The following GIGYF2 variants were observed in gnomAD, a reference collection of about 807,000 sequenced individuals.
The protein encoded by GIGYF2 is GRB10 interacting GYF protein 2, also known as GRB10-interacting GYF protein 2.
Under a neutral mutation model 208.1 loss-of-function variants are expected in GIGYF2, and 25 were observed. The ratio of observed to expected loss-of-function variants is 0.12; its 90% CI spans 0.09 to 0.17. The LOEUF (loss-of-function observed/expected upper bound fraction) is 0.17, where lower values mean the gene tolerates loss of function less well. Ranked by LOEUF, GIGYF2 falls within the 10% of genes least tolerant of loss-of-function variation. The pLI, the probability that GIGYF2 is intolerant of heterozygous loss-of-function variation, is 1.00. For missense variants in GIGYF2, 1,302 were observed against 1,579.4 expected, an observed-to-expected ratio of 0.82 and a Z score of 2.98; for synonymous variants, 534 against 543.8, an observed-to-expected ratio of 0.98 and a Z score of 0.25.
At chr2:232,707,564 G>A (rs139390155) in intron 2 of GIGYF2, among the ~76,000 whole-genome samples, 2 of 151,920 alleles carry the variant, frequency 1.3e-5, no homozygotes, top group Non-Finnish European at 2.9e-5. Context: ...CAAGATCAGT[G>A]AATCAGAGAG....
intron 3 of GIGYF2, among the ~76,000 whole-genome samples, 174 bp from the exon 4 acceptor site, chr2:232,747,441 C>CT (rs2106311713): frequency 6.6e-6 from 1 of 152,292 alleles, no homozygotes; most frequent in Admixed American, 6.5e-5. Flanking sequence ...ATAAACTGCC[C>CT]TTTTAGCGTG....
At chr2:232,815,915 A>C (rs1359634372) in intron 19 of GIGYF2, 178 bp downstream of exon 19, 6 of 589,134 alleles carry the variant, frequency 1.0e-5, no homozygotes, top group South Asian at 1.9e-5. Context: ...AAAAAAAAAA[A>C]CTCAAAACAG....
Position 232,806,646 on chromosome 2 carries a change from C to A in GIGYF2, c.1795C>A (p.Pro599Thr). ...RVPFSPGPAP[P>T]PHMGELDQER... Reference sequence around the variant, plus strand: ...TCCCTTTTCTCCAGGTCCAGCTCCCCCTCCTCATATGGTAAGTACCTTTCA... The same window carrying A: ...TCCCTTTTCTCCAGGTCCAGCTCCCACTCCTCATATGGTAAGTACCTTTCA... The change falls in exon 15 of 29, where the codon CCT (proline) becomes ACT (threonine). Residue 599 changes from proline to threonine, a missense_variant. Coordinates refer to ENST00000373563, the MANE Select transcript of GIGYF2 (RefSeq NM_001103146.3). This position sits in a 1 kb window ranked among gnomAD's most constrained non-coding sequence, Gnocchi z 4.0. The A allele has an allele frequency of 6.2e-7, 1 of 1,610,074 alleles. No homozygotes were observed. Among genetic ancestry groups the A allele is most frequent in the East Asian group, 2.2e-5 (1 of 44,858 alleles).
intron 9 of GIGYF2, among the ~76,000 whole-genome samples, chr2:232,790,230 ACAGGGAG>A (rs1700030922): frequency 6.6e-6 from 1 of 151,786 alleles, no homozygotes; most frequent in Non-Finnish European, 1.5e-5. Flanking sequence ...ATAAGTCAAC[ACAGGGAG>A]CTGATTTTAT....
At chr2:232,855,576 T>C (rs1690534386) in intron 28 of GIGYF2, among the ~76,000 whole-genome samples, 2 of 152,288 alleles carry the variant, frequency 1.3e-5, no homozygotes, top group Admixed American at 6.5e-5. Context: ...ATGCGAGGAC[T>C]CTAAGGATCT....
intron 8 of GIGYF2, among the ~76,000 whole-genome samples, chr2:232,769,151 T>A (rs1699110347): frequency 6.6e-6 from 1 of 152,166 alleles, no homozygotes; most frequent in Non-Finnish European, 1.5e-5. Context: ...AGAAAATAAA[T>A]GCAACTTGGC....
intron 28 of GIGYF2, among the ~76,000 whole-genome samples, chr2:232,853,598 C>G (rs1690441867): frequency 1.3e-5 from 2 of 152,150 alleles, no homozygotes; most frequent in African/African-American, 4.8e-5. Context: ...TAGAGCTCTT[C>G]AGGTGGTCAT....
chr2:232,778,988 T>TC (rs777118372), intron 8 of GIGYF2, among the ~76,000 whole-genome samples: 13 of 152,274 alleles, frequency 8.5e-5, no homozygotes, highest in Admixed American at 3.3e-4. Context: ...AGAAGGCCCC[T>TC]CCCTGTGCTT....
chr2:232,790,637 T>A (rs1462419893), intron 9 of GIGYF2, 61 bp from the exon 10 acceptor site: 2 of 1,343,898 alleles, frequency 1.5e-6, no homozygotes, highest in Non-Finnish European at 2.1e-6. Context: ...TATTCCTGAT[T>A]TTCTTATTCA....
At chr2:232,730,165 G>A (rs13008942) in intron 2 of GIGYF2, 444,745 of 1,433,036 alleles carry the variant, frequency 0.31, 81,575 homozygotes, top group South Asian at 0.61. Flanking sequence ...AGCACCTGGA[G>A]GCCGGCAGGG....
intron 18 of GIGYF2, among the ~76,000 whole-genome samples, chr2:232,813,699 A>G (rs1409095997): frequency 6.6e-6 from 1 of 152,124 alleles, no homozygotes; most frequent in Non-Finnish European, 1.5e-5. Context: ...ATTATTGCAG[A>G]AGGATGATTG....
intron 17 of GIGYF2, 43 bp downstream of exon 17, chr2:232,811,394 T>A (rs1271259671): frequency 8.8e-7 from 1 of 1,141,822 alleles, no homozygotes. Context: ...GTGCATGTGT[T>A]GTGAAAGAAA....
At chr2:232,711,705 GTATATATATA>G (rs55893272) in intron 2 of GIGYF2, among the ~76,000 whole-genome samples, 7 of 115,770 alleles carry the variant, frequency 6.0e-5, no homozygotes, top group South Asian at 4.1e-4. Context: ...TCACAATGAT[GTATATATATA>G]TATATATATA....
chr2:232,727,645 G>A (rs1200981461), intron 2 of GIGYF2, among the ~76,000 whole-genome samples: 2 of 152,200 alleles, frequency 1.3e-5, no homozygotes, highest in African/African-American at 2.4e-5. Context: ...GTTTGGGCTA[G>A]AGATCTCTAC....
intron 2 of GIGYF2, among the ~76,000 whole-genome samples, chr2:232,718,092 G>A (rs1296978113): frequency 1.3e-5 from 2 of 151,906 alleles, no homozygotes; most frequent in Admixed American, 6.6e-5. Context: ...TTTTGTTGTT[G>A]TTGTTTGTTT....
rs540707953 is a variant in GIGYF2 at position 232,802,755 on chromosome 2, ATTAG to A, written c.1640-3731_1640-3728del. On this transcript the variant is annotated intron_variant, in intron 14 of 28. Transcript: ENST00000373563. Reference sequence around the variant, plus strand: ...ACCAGGGTAATTTTGGCTTCATAGAATTAGTTAGGAAGTGTAGGTAATCTTGCTT... The same window carrying A: ...ACCAGGGTAATTTTGGCTTCATAGAATTAGGAAGTGTAGGTAATCTTGCTT... Among the ~76,000 whole-genome samples, 875 of 152,296 alleles carry A rather than the reference ATTAG, an allele frequency of 5.7e-3. 3 individuals are homozygous for A. The highest frequency in any genetic ancestry group is 0.02 in the African/African-American group (833 of 41,552).
intron 28 of GIGYF2, among the ~76,000 whole-genome samples, chr2:232,853,761 A>G (rs1690448085): frequency 6.6e-6 from 1 of 152,230 alleles, no homozygotes; most frequent in African/African-American, 2.4e-5. Flanking sequence ...AGAGCCAGGC[A>G]TAGTGGATTG....
intron 3 of GIGYF2, among the ~76,000 whole-genome samples, chr2:232,746,475 C>T (rs1698155425): frequency 6.6e-6 from 1 of 152,114 alleles, no homozygotes; most frequent in Non-Finnish European, 1.5e-5. Context: ...AGCTTGGTCC[C>T]TTTCATGCTT....
intron 8 of GIGYF2, among the ~76,000 whole-genome samples, chr2:232,786,774 G>A (rs1699921058): frequency 6.6e-6 from 1 of 152,148 alleles, no homozygotes; most frequent in Non-Finnish European, 1.5e-5. Flanking sequence ...GTGTGTGGAT[G>A]AGGGAGCTAT....
Sources: allele counts gnomAD v4.1 joint callset (sites outside exome capture counted in the v4.1 genomes callset), GRCh38; gene constraint gnomAD v4.1.1; non-coding constraint Gnocchi (gnomAD v3.1); transcripts MANE v1.5; gene names NCBI Gene and HGNC (gene_info 2026-07-23, HGNC 2026-07-21).